Variants in ABCA13 observed in about 807,000 individuals in gnomAD.
ABCA13 encodes ATP binding cassette subfamily A member 13.
ABCA13 carries 476 observed loss-of-function variants against 478.7 expected under a neutral mutation model. The observed-to-expected ratio is 0.99, with a 90% CI of 0.92 to 1.07. ABCA13 has a LOEUF of 1.07. Ranked by LOEUF, ABCA13 falls within the 50% of genes least tolerant of loss-of-function variation. ABCA13 has a pLI of 0.00. For synonymous variants in ABCA13, 2,252 were observed against 2,158.9 expected (o/e 1.04, Z -1.20); for missense variants, 6,060 against 5,910.6 (o/e 1.03, Z -0.83).
chr7:48,174,030 G>A lies in ABCA13; in HGVS notation c.69+2478G>A, dbSNP rs999221040. On this transcript the variant is annotated intron_variant, in intron 1 of 61. Transcript: ENST00000435803. ...TGTGAATATGTTTACATATCTTAATGTTATTACAGTGGAAATATTGAGGGC... is the reference window on the plus strand; with the variant it reads ...TGTGAATATGTTTACATATCTTAATATTATTACAGTGGAAATATTGAGGGC... Among the ~76,000 whole-genome samples the A allele has an allele frequency of 8.4e-4, 128 of 152,314 alleles. 1 individual carries two copies. The highest frequency in any genetic ancestry group is 3.2e-4 in the Non-Finnish European group (22 of 68,028).
Position 48,409,300 on chromosome 7 carries a change from T to C in ABCA13, c.12071-1220T>C, listed in dbSNP as rs186109828. On this transcript the variant is annotated intron_variant, in intron 39 of 61. Coordinates refer to ENST00000435803, the MANE Select transcript of ABCA13 (RefSeq NM_152701.5). Reference sequence around the variant, plus strand: ...GAATCAACTTCACCAAAATATCTTCTAGTTTCTTTGGCCTCTGCTCTGCTA... The same window carrying C: ...GAATCAACTTCACCAAAATATCTTCCAGTTTCTTTGGCCTCTGCTCTGCTA... Among the ~76,000 whole-genome samples the C allele has an allele frequency of 1.6e-4, 25 of 152,318 alleles. 1 individual carries two copies. The East Asian group carries it at 4.6e-3, about 28-fold the overall frequency.
intron 15 of ABCA13, among the ~76,000 whole-genome samples, chr7:48,268,263 TCTC>T (rs1276588211): frequency 6.6e-6 from 1 of 152,010 alleles, no homozygotes; most frequent in African/African-American, 2.4e-5. Context: ...TTCAAACAAT[TCTC>T]CTGCCTCAGC....
chr7:48,348,520 C>T (rs1252581106), intron 29 of ABCA13, among the ~76,000 whole-genome samples: 2 of 152,306 alleles, frequency 1.3e-5, no homozygotes, highest in East Asian at 1.9e-4. Flanking sequence ...TTCCAATGAG[C>T]GTGTTTTATT....
At chr7:48,422,805 A>G (rs1820947828) in intron 41 of ABCA13, among the ~76,000 whole-genome samples, 1 of 152,244 alleles carries the variant, frequency 6.6e-6, no homozygotes, top group Non-Finnish European at 1.5e-5. Flanking sequence ...GATGTAATCA[A>G]AAGGATACAT....
intron 42 of ABCA13, among the ~76,000 whole-genome samples, chr7:48,454,453 A>G (rs887549088): frequency 4.6e-5 from 7 of 152,342 alleles, no homozygotes; most frequent in Admixed American, 3.3e-4. Flanking sequence ...TTGCTTGTGG[A>G]TCGCTCTGAT....
chr7:48,480,606 C>T (rs79267488), intron 45 of ABCA13, among the ~76,000 whole-genome samples: 5,804 of 152,210 alleles, frequency 0.038, 150 homozygotes, highest in Middle Eastern at 0.061. Context: ...GCTGGTGAGT[C>T]GCTGGAGAAA....
In ABCA13 at chr7:48,276,585, G is replaced by T; in HGVS notation, c.6899+20G>T. 6.3e-7 allele frequency: 1 copy of T among 1,597,346 alleles called. No homozygotes were observed. Among genetic ancestry groups the T allele is most frequent in the Non-Finnish European group, 8.6e-7 (1 of 1,168,746 alleles). ...GATGAGGTGAGTATACTTTTGCTTTGTGTCATATATGCAGTTGCGATATAT... is the reference window on the plus strand; with the variant it reads ...GATGAGGTGAGTATACTTTTGCTTTTTGTCATATATGCAGTTGCGATATAT... On this transcript the variant is annotated intron_variant, in intron 17 of 61. Transcript: ENST00000435803.
intron 1 of ABCA13, among the ~76,000 whole-genome samples, chr7:48,187,389 G>A (rs191806042): frequency 1.3e-5 from 2 of 150,966 alleles, no homozygotes; most frequent in Admixed American, 6.6e-5. Flanking sequence ...CTGAAATATA[G>A]TATACTCTTT....
At chr7:48,317,114 C>T (rs556341968) in intron 26 of ABCA13, 43 bp from the exon 27 acceptor site, 14 of 1,579,582 alleles carry the variant, frequency 8.9e-6, no homozygotes, top group Middle Eastern at 1.7e-4. Flanking sequence ...ACCTAGGCAT[C>T]GTGTATCATT....
At chr7:48,320,443 A>G (rs1803276878) in intron 27 of ABCA13, among the ~76,000 whole-genome samples, 1 of 152,218 alleles carries the variant, frequency 6.6e-6, no homozygotes, top group East Asian at 1.9e-4. Flanking sequence ...TTTTAACAGG[A>G]GTTAATTTAA....
At chr7:48,353,455 G>A (rs1046796315) in intron 31 of ABCA13, among the ~76,000 whole-genome samples, 5 of 151,406 alleles carry the variant, frequency 3.3e-5, no homozygotes, top group African/African-American at 9.8e-5. Flanking sequence ...TGAAGGGACC[G>A]GTTTGCGTGT....
At chr7:48,206,302 G>T (rs2128931831) in intron 3 of ABCA13, among the ~76,000 whole-genome samples, 1 of 152,286 alleles carries the variant, frequency 6.6e-6, no homozygotes, top group South Asian at 2.1e-4. Context: ...TAAATGTGTA[G>T]ACATGCAAAT....
rs536452775 is a variant in ABCA13, at chr7:48,279,974, A to T, written c.8726+54A>T. ...TTTTTCTCTACCGCAGTAGCTATAA[A>T]ATAGAACCATGCAGGAATTACAGTG... On this transcript the variant is annotated intron_variant, in intron 18 of 61. Coordinates refer to ENST00000435803, the MANE Select transcript of ABCA13 (RefSeq NM_152701.5). 3.1e-4 allele frequency: 445 copies of T among 1,453,516 alleles called. 1 individual carries two copies. Among genetic ancestry groups the T allele is most frequent in the Admixed American group, 6.9e-4 (25 of 36,132 alleles). The allele number at this position is 1,453,516 out of a possible 1,614,324, so 90.0% of individuals were successfully genotyped here.
intron 59 of ABCA13, among the ~76,000 whole-genome samples, chr7:48,642,010 A>G (rs1268541871): frequency 6.6e-6 from 1 of 152,214 alleles, no homozygotes; most frequent in African/African-American, 2.4e-5. Context: ...GAAATGTTAG[A>G]GAGGTGCATG....
At chr7:48,637,667 G>T (rs1794782829) in intron 59 of ABCA13, among the ~76,000 whole-genome samples, 1 of 152,016 alleles carries the variant, frequency 6.6e-6, no homozygotes, top group Non-Finnish European at 1.5e-5. Context: ...TTGTTTAGCT[G>T]GTGACAATGA....
chr7:48,602,624 T>C (rs561615267), intron 58 of ABCA13, among the ~76,000 whole-genome samples: 4 of 152,326 alleles, frequency 2.6e-5, no homozygotes, highest in East Asian at 1.9e-4. Context: ...TCTGTTACCA[T>C]AGCTTTGTAG....
intron 55 of ABCA13, among the ~76,000 whole-genome samples, chr7:48,571,825 G>C (rs563870753): frequency 6.6e-6 from 1 of 152,118 alleles, no homozygotes; most frequent in Non-Finnish European, 1.5e-5. Flanking sequence ...GAATAGAAGA[G>C]GTGGTAATGG....
chr7:48,186,306 G>T (rs1443496392), intron 1 of ABCA13, among the ~76,000 whole-genome samples: 1 of 151,964 alleles, frequency 6.6e-6, no homozygotes, highest in African/African-American at 2.4e-5. Flanking sequence ...CTGAGAGATT[G>T]TTTTTCTGGG....
intron 32 of ABCA13, among the ~76,000 whole-genome samples, chr7:48,368,349 T>C (rs1424932743): frequency 6.6e-6 from 1 of 152,032 alleles, no homozygotes; most frequent in Non-Finnish European, 1.5e-5. Context: ...GAACAGGTGG[T>C]GTTTGGTTAC....
Sources: allele counts gnomAD v4.1 joint callset (sites outside exome capture counted in the v4.1 genomes callset), GRCh38; gene constraint gnomAD v4.1.1; transcripts MANE v1.5; gene names NCBI Gene and HGNC (gene_info 2026-07-23, HGNC 2026-07-21).